Variants in BNC2 observed in about 807,000 individuals in gnomAD.
BNC2 encodes basonuclin zinc finger protein 2, also known as zinc finger protein basonuclin-2.
In BNC2, 20 loss-of-function variants were observed where a neutral mutation model predicts 76.3. That is an observed-to-expected ratio of 0.26 (90% confidence interval 0.18 to 0.38). BNC2 has a LOEUF of 0.38. BNC2 is among the 10% of genes least tolerant of loss of function. The pLI, the probability that BNC2 is intolerant of heterozygous loss-of-function variation, is 1.00. For synonymous variants in BNC2, 582 were observed against 514.8 expected (o/e 1.13, Z -1.77); for missense variants, 1,382 against 1,399.8 (o/e 0.99, Z 0.20).
intron 1 of BNC2, among the ~76,000 whole-genome samples, chr9:16,811,320 G>A (rs1053420285): frequency 6.0e-5 from 9 of 151,000 alleles, no homozygotes; most frequent in South Asian, 4.2e-4. Flanking sequence ...GGAGGCCAAC[G>A]CGGGTGGATC....
At chr9:16,485,023 C>T (rs188146243) in intron 5 of BNC2, among the ~76,000 whole-genome samples, 28 of 152,168 alleles carry the variant, frequency 1.8e-4, no homozygotes, top group Admixed American at 9.2e-4. Flanking sequence ...AGAGGACTGC[C>T]GTGGTTTCAT....
chr9:16,808,633 C>A (rs1158862351), intron 1 of BNC2, among the ~76,000 whole-genome samples: 2 of 151,516 alleles, frequency 1.3e-5, no homozygotes, highest in African/African-American at 4.8e-5. Context: ...GGACTACAGG[C>A]GTATGTGACC....
intron 3 of BNC2, among the ~76,000 whole-genome samples, chr9:16,610,054 C>A (rs1820501919): frequency 6.6e-6 from 1 of 152,032 alleles, no homozygotes; most frequent in African/African-American, 2.4e-5. Context: ...GATAAATATA[C>A]CATTATTTCC....
At chr9:16,638,755 G>A (rs891022842) in intron 3 of BNC2, among the ~76,000 whole-genome samples, 3 of 151,962 alleles carry the variant, frequency 2.0e-5, no homozygotes, top group African/African-American at 4.8e-5. Context: ...AATAGAGTAC[G>A]ATAATACTAT....
chr9:16,681,953 T>C (rs1218972886), intron 3 of BNC2, among the ~76,000 whole-genome samples: 2 of 151,784 alleles, frequency 1.3e-5, no homozygotes, highest in Non-Finnish European at 2.9e-5. Flanking sequence ...TGACCAAGGA[T>C]GTAAGGCTAC....
At chr9:16,685,580 T>G (rs1364094227) in intron 3 of BNC2, 38 of 1,304,162 alleles carry the variant, frequency 2.9e-5, no homozygotes, top group Non-Finnish European at 3.7e-5. Flanking sequence ...TCCTCCAGGT[T>G]TGGGCAGAAG....
intron 5 of BNC2, among the ~76,000 whole-genome samples, chr9:16,480,060 A>G (rs78186258): frequency 0.079 from 11,958 of 152,304 alleles, 630 homozygotes; most frequent in African/African-American, 0.15. Context: ...AACACATGTA[A>G]CAACATTCAA....
intron 3 of BNC2, among the ~76,000 whole-genome samples, chr9:16,668,601 T>G (rs2134152134): frequency 6.6e-6 from 1 of 152,354 alleles, no homozygotes; most frequent in East Asian, 1.9e-4. Context: ...TCTTGAAACA[T>G]TATTGTAGCC....
intron 3 of BNC2, among the ~76,000 whole-genome samples, chr9:16,659,136 C>T (rs1195209678): frequency 7.8e-6 from 1 of 127,574 alleles, no homozygotes; most frequent in African/African-American, 3.7e-5. Flanking sequence ...GGGTAAATGG[C>T]AGATGGATGG....
At chr9:16,857,234 T>G (rs1416716750) in intron 1 of BNC2, among the ~76,000 whole-genome samples, 3 of 152,084 alleles carry the variant, frequency 2.0e-5, no homozygotes, top group African/African-American at 4.8e-5. Flanking sequence ...TCCCAGCACT[T>G]TGGGAGGTTG....
At chr9:16,612,537 G>C (rs1402974220) in intron 3 of BNC2, among the ~76,000 whole-genome samples, 1 of 152,042 alleles carries the variant, frequency 6.6e-6, no homozygotes, top group East Asian at 1.9e-4. Context: ...TCTTAGCATG[G>C]ATTTTTATTC....
At chr9:16,716,690 G>C (rs1185090070) in intron 3 of BNC2, among the ~76,000 whole-genome samples, 3 of 152,176 alleles carry the variant, frequency 2.0e-5, no homozygotes, top group Non-Finnish European at 4.4e-5. Context: ...GCAAACTGTA[G>C]TACGTAGGCT....
At chr9:16,659,471 G>T in intron 3 of BNC2, among the ~76,000 whole-genome samples, 1 of 152,086 alleles carries the variant, frequency 6.6e-6, no homozygotes, top group Admixed American at 6.5e-5. Flanking sequence ...AGCTGTGTGT[G>T]GTGGTGCATG....
chr9:16,571,934 G>A (rs1333920703), intron 4 of BNC2, among the ~76,000 whole-genome samples: 1 of 152,022 alleles, frequency 6.6e-6, no homozygotes, highest in Admixed American at 6.6e-5. Flanking sequence ...AAGGGGCCTT[G>A]TGATGGTCGC....
intron 5 of BNC2, among the ~76,000 whole-genome samples, chr9:16,465,881 A>ATT (rs1821696019): frequency 6.6e-6 from 1 of 151,410 alleles, no homozygotes; most frequent in Non-Finnish European, 1.5e-5. Flanking sequence ...GAAAAGAGGA[A>ATT]GTCAAATTGT....
At chr9:16,482,103 TTAG>T (rs1489981901) in intron 5 of BNC2, among the ~76,000 whole-genome samples, 1 of 152,162 alleles carries the variant, frequency 6.6e-6, no homozygotes. Context: ...AATAAAAATA[TTAG>T]TAATAATAGA....
chr9:16,753,068 G>A (rs1825268098), intron 1 of BNC2, among the ~76,000 whole-genome samples: 1 of 152,180 alleles, frequency 6.6e-6, no homozygotes, highest in South Asian at 2.1e-4. Context: ...CAAAGTAGAT[G>A]ACCTGAAACT....
At chr9:16,703,149 G>C (rs1823564828) in intron 3 of BNC2, among the ~76,000 whole-genome samples, 1 of 152,064 alleles carries the variant, frequency 6.6e-6, no homozygotes, top group Non-Finnish European at 1.5e-5. Context: ...AATCAAATTG[G>C]AAAGGGCTGA....
At chr9:16,456,783 T>A (rs959740134) in intron 5 of BNC2, among the ~76,000 whole-genome samples, 3 of 151,808 alleles carry the variant, frequency 2.0e-5, no homozygotes, top group African/African-American at 7.3e-5. Flanking sequence ...GAAAGACATA[T>A]TCTAGATAAA....
Sources: gnomAD v4.1 joint callset for allele counts (sites outside exome capture counted in the v4.1 genomes callset) on GRCh38, gnomAD v4.1.1 for gene constraint, MANE v1.5 for transcripts, NCBI Gene and HGNC (gene_info 2026-07-23, HGNC 2026-07-21) for gene names.